Variants in PHF20 observed in about 807,000 individuals in gnomAD.
PHF20 encodes the protein glioma-expressed antigen 2.
PHF20 carries 23 observed loss-of-function variants against 113.5 expected under a neutral mutation model. That is an observed-to-expected ratio of 0.20 (90% CI 0.15 to 0.29). The LOEUF (loss-of-function observed/expected upper bound fraction) is 0.29. Ranked by LOEUF, PHF20 falls within the 10% of genes least tolerant of loss-of-function variation. PHF20 has a pLI of 1.00. For missense variants in PHF20, 943 were observed against 1,219.6 expected, an observed-to-expected ratio of 0.77 and a Z score of 3.38; for synonymous variants, 434 against 457.3, an observed-to-expected ratio of 0.95 and a Z score of 0.65.
intron 2 of PHF20, among the ~76,000 whole-genome samples, chr20:35,802,664 G>A (rs1271051279): frequency 2.0e-5 from 3 of 152,134 alleles, no homozygotes; most frequent in South Asian, 4.1e-4. Flanking sequence ...TTGGCTGGGC[G>A]CGGTGGCTCA....
chr20:35,824,404 C>T (rs189396452), intron 2 of PHF20, among the ~76,000 whole-genome samples: 25 of 151,994 alleles, frequency 1.6e-4, no homozygotes, highest in Admixed American at 7.2e-4. Flanking sequence ...GTCAAGAGAT[C>T]GAGATCATCC....
Position 35,899,631 on chromosome 20 carries a change from T to C in PHF20, c.1544T>C (p.Val515Ala), listed in dbSNP as rs558767765. The stretch of plus-strand genomic sequence containing the variant: ...CAGGAGACCCTGACCAGGAAGCGGG[T>C]CTCTGCCAGTTCCCCAAGTAAGTAT... ...PSQETLTRKR[V>A]SASSPTTKDK... Residue 515 changes from valine to alanine, a missense_variant, in exon 10 of 18, where the codon GTC becomes GCC. Val to Ala is a moderately conservative substitution (Grantham distance 64). Transcript: ENST00000374012. 1 of 1,613,908 alleles carries C rather than the reference T, an allele frequency of 6.2e-7. No individual in the cohort carries two copies. The highest frequency in any genetic ancestry group is 2.2e-5 in the East Asian group (1 of 44,880).
intron 1 of PHF20, among the ~76,000 whole-genome samples, chr20:35,800,822 G>A (rs2041766454): frequency 6.6e-6 from 1 of 152,074 alleles, no homozygotes; most frequent in Non-Finnish European, 1.5e-5. Context: ...GTAGCACCAA[G>A]TATTAATATC....
intron 1 of PHF20, among the ~76,000 whole-genome samples, chr20:35,795,798 A>G (rs1256502996): frequency 6.6e-6 from 1 of 152,080 alleles, no homozygotes; most frequent in East Asian, 1.9e-4. Flanking sequence ...GGATTAATAT[A>G]GTACTTCTGT....
In PHF20 at chr20:35,899,419, A is replaced by G. The variant is rs749611413; in HGVS notation, c.1332A>G (p.Pro444=). The G allele has an allele frequency of 6.2e-7, 1 of 1,613,932 alleles. No homozygotes were observed. The highest frequency in any genetic ancestry group is 8.5e-7 in the Non-Finnish European group (1 of 1,179,790). ...KTDDFGSSNA[P]AVDLDHKFRC... The stretch of plus-strand genomic sequence containing the variant: ...ATGATTTTGGGTCATCTAATGCACC[A>G]GCTGTCGACCTAGACCATAAGTTTA... The change falls in exon 10 of 18, where the codon CCA becomes CCG. Residue 444 remains proline, a synonymous_variant. Transcript: ENST00000374012.
chr20:35,903,593 A>G lies in PHF20; in HGVS notation c.1561+3945A>G, dbSNP rs550858283. Among the ~76,000 whole-genome samples, 6 of 152,244 alleles carry G rather than the reference A, an allele frequency of 3.9e-5. No homozygotes were observed. The South Asian group carries it at 1.2e-3, about 32-fold the overall frequency. The stretch of plus-strand genomic sequence containing the variant: ...TCAAGTGGACACAGCCTCCTAGACA[A>G]CATGGCGATTACCCAAATGTATCTC... On this transcript the variant is annotated intron_variant, in intron 10 of 17. Transcript: ENST00000374012.
intron 2 of PHF20, among the ~76,000 whole-genome samples, chr20:35,804,988 G>T (rs1026324737): frequency 6.6e-6 from 1 of 151,818 alleles, no homozygotes; most frequent in South Asian, 2.1e-4. Context: ...TGCAATCTCC[G>T]CCTCCCAGGT....
intron 2 of PHF20, among the ~76,000 whole-genome samples, chr20:35,810,428 C>T (rs150551231): frequency 6.6e-6 from 1 of 152,096 alleles, no homozygotes; most frequent in Non-Finnish European, 1.5e-5. Flanking sequence ...TTTGTTTTAG[C>T]CTTTTTGTTA....
At chr20:35,786,274 G>A (rs1056049609) in intron 1 of PHF20, among the ~76,000 whole-genome samples, 2 of 149,970 alleles carry the variant, frequency 1.3e-5, no homozygotes, top group Non-Finnish European at 1.5e-5. Flanking sequence ...GCCTGTAATC[G>A]CAGCTACTCA....
In PHF20 at chr20:35,939,850, G is replaced by A. The variant is rs142507978; in HGVS notation, c.2712+742G>A. Among the ~76,000 whole-genome samples the A allele has an allele frequency of 7.2e-5, 11 of 152,260 alleles. No homozygotes were observed. The East Asian group carries it at 1.4e-3, about 19-fold the overall frequency. On this transcript the variant is annotated intron_variant, in intron 16 of 17. Transcript: ENST00000374012. ...TAAATACATTGCTGCATGGTGCCAA[G>A]GGGATCCTAGATTACAAGCCCCTCA...
At chr20:35,947,169 C>T (rs981701621) in intron 17 of PHF20, among the ~76,000 whole-genome samples, 3 of 152,286 alleles carry the variant, frequency 2.0e-5, no homozygotes, top group South Asian at 2.1e-4. Flanking sequence ...ATGTTTCCAG[C>T]GCTCAATAGC....
chr20:35,937,382 C>T (rs543872370), intron 15 of PHF20, among the ~76,000 whole-genome samples: 7 of 151,220 alleles, frequency 4.6e-5, no homozygotes, highest in East Asian at 1.9e-4. Context: ...GAGGGAGAAT[C>T]GCTTGAACCT....
intron 2 of PHF20, among the ~76,000 whole-genome samples, chr20:35,836,590 A>G (rs2042443882): frequency 6.6e-6 from 1 of 152,188 alleles, no homozygotes; most frequent in South Asian, 2.1e-4. Flanking sequence ...CACGCCTGTA[A>G]TCGCAGCACT....
rs761583734 is a variant in PHF20, at chr20:35,891,488, ATACT to A, written c.1283-7878_1283-7875del. Among the ~76,000 whole-genome samples, 3 of 152,212 alleles carry A rather than the reference ATACT, an allele frequency of 2.0e-5. No individual in the cohort carries two copies. In the East Asian group the frequency reaches 5.8e-4, roughly 29 times the overall value. Reference sequence around the variant, plus strand: ...AGGGAAGGACTACAGGATCCATAAAATACTTACAGGAATTCTTCGAGGCAGGACA... The same window carrying A: ...AGGGAAGGACTACAGGATCCATAAAATACAGGAATTCTTCGAGGCAGGACA... On this transcript the variant is annotated intron_variant, in intron 9 of 17. Transcript: ENST00000374012.
chr20:35,845,380 T>TA, intron 3 of PHF20: 1 of 398,360 alleles, frequency 2.5e-6, no homozygotes, highest in Non-Finnish European at 5.2e-6. Flanking sequence ...TGTTTTTTTT[T>TA]AAAGAGACGT....
At chr20:35,940,160 T>A (rs2055949028) in intron 16 of PHF20, among the ~76,000 whole-genome samples, 1 of 152,090 alleles carries the variant, frequency 6.6e-6, no homozygotes, top group Admixed American at 6.5e-5. Flanking sequence ...AAATAAATAT[T>A]GGCTAGAATC....
At chr20:35,842,419 A>T (rs1185856531) in intron 2 of PHF20, among the ~76,000 whole-genome samples, 154 bp from the exon 3 acceptor site, 2 of 152,214 alleles carry the variant, frequency 1.3e-5, no homozygotes, top group African/African-American at 4.8e-5. Flanking sequence ...GTTACCCTCC[A>T]TAATTTGTGA....
chr20:35,947,344 TCCCTTGCC>T, intron 17 of PHF20, 133 bp from the exon 18 acceptor site: 1 of 732,872 alleles, frequency 1.4e-6, no homozygotes, highest in Non-Finnish European at 2.1e-6. Context: ...TGGCCCTTCC[TCCCTTGCC>T]CCATGGAGGC....
At chr20:35,835,688 G>A (rs1177757824) in intron 2 of PHF20, among the ~76,000 whole-genome samples, 1 of 152,198 alleles carries the variant, frequency 6.6e-6, no homozygotes, top group Non-Finnish European at 1.5e-5. Context: ...CCAGCACTTT[G>A]AGAAGCTGAG....
Sources: gnomAD v4.1 joint callset for allele counts (sites outside exome capture counted in the v4.1 genomes callset) on GRCh38, gnomAD v4.1.1 for gene constraint, MANE v1.5 for transcripts, NCBI Gene and HGNC (gene_info 2026-07-23, HGNC 2026-07-21) for gene names.